MRPL37: variants seen among roughly 807,000 people sequenced by gnomAD.
The protein encoded by MRPL37 is large ribosomal subunit protein mL37.
A neutral mutation model predicts 44.1 loss-of-function variants in MRPL37; 34 were observed. That is an observed-to-expected ratio of 0.77 (90% CI 0.59 to 1.03). The LOEUF is 1.03. Among genes scored for constraint, MRPL37 ranks in the 50% least tolerant of loss-of-function variants. The pLI is 0.00. For missense variants in MRPL37, 532 were observed against 543.7 expected (o/e 0.98, Z 0.21); for synonymous variants, 212 against 219.5 (o/e 0.97, Z 0.30).
chr1:54,204,979 T>C (rs1644110124), intron 1 of MRPL37, 39 bp from the exon 2 acceptor site: 2 of 1,582,004 alleles, frequency 1.3e-6, no homozygotes, highest in African/African-American at 1.4e-5. Flanking sequence ...CTGAATCTTT[T>C]TCTTTCCTTC....
intron 1 of MRPL37, among the ~76,000 whole-genome samples, chr1:54,201,043 C>T (rs1343406195): frequency 6.6e-6 from 1 of 152,168 alleles, no homozygotes; most frequent in Non-Finnish European, 1.5e-5. Context: ...CCTCTTAAGC[C>T]CATGACTACT....
downstream of MRPL37, among the ~76,000 whole-genome samples, chr1:54,223,847 C>G (rs111332655): frequency 3.9e-5 from 6 of 152,230 alleles, no homozygotes; most frequent in African/African-American, 1.4e-4. Flanking sequence ...GAGCTCTGGC[C>G]TGGCCCCAGG....
chr1:54,203,556 C>T (rs1644099895), intron 1 of MRPL37, among the ~76,000 whole-genome samples: 1 of 149,732 alleles, frequency 6.7e-6, no homozygotes, highest in Middle Eastern at 3.2e-3. Context: ...TTACTGTAGC[C>T]TCTGCCTCCC....
downstream of MRPL37, chr1:54,225,457 A>G (rs1211323677): frequency 8.2e-7 from 1 of 1,214,560 alleles, no homozygotes; most frequent in African/African-American, 1.6e-5. Flanking sequence ...TCCCTTTAAT[A>G]AAACGTTATC....
chr1:54,222,358 G>C (rs1037738563), downstream of MRPL37, among the ~76,000 whole-genome samples: 8 of 152,170 alleles, frequency 5.3e-5, no homozygotes, highest in South Asian at 2.1e-4. Context: ...AAAGGCCCTG[G>C]GGGGGCAGAC....
In MRPL37 at chr1:54,216,360, T is replaced by G. The variant is rs771836289; in HGVS notation, c.1194+16T>G. 8 of 1,612,722 alleles carry G rather than the reference T, an allele frequency of 5.0e-6. No homozygotes were observed. Among genetic ancestry groups the G allele is most frequent in the Middle Eastern group, 3.7e-4 (2 of 5,448 alleles). ...AGTGGTTGTGGTAAGTTGAGCCATC[T>G]CCTGCCTGACCCAGGAGGGCCATGC... On this transcript the variant is annotated intron_variant, in intron 6 of 6. Coordinates refer to ENST00000360840, the MANE Select transcript of MRPL37 (RefSeq NM_016491.4).
intron 1 of MRPL37, among the ~76,000 whole-genome samples, chr1:54,203,007 C>G (rs748241485): frequency 6.6e-6 from 1 of 152,142 alleles, no homozygotes; most frequent in South Asian, 2.1e-4. Flanking sequence ...CATGTTCCTC[C>G]CTTAGAGAAG....
At chr1:54,203,494 G>A (rs1644099265) in intron 1 of MRPL37, among the ~76,000 whole-genome samples, 1 of 125,474 alleles carries the variant, frequency 8.0e-6, no homozygotes, top group Admixed American at 8.7e-5. Flanking sequence ...TTTTTTTTGA[G>A]GTGGAGTCTT....
chr1:54,211,665 G>C (rs896687814), intron 4 of MRPL37, among the ~76,000 whole-genome samples: 1 of 152,014 alleles, frequency 6.6e-6, no homozygotes, highest in African/African-American at 2.4e-5. Context: ...GCTAATTTTT[G>C]TATTCTTTTT....
At position 54,218,370 on chromosome 1, in the gene MRPL37, T is replaced by C; in HGVS notation, c.*121T>C. The C allele has an allele frequency of 6.4e-7, 1 of 1,558,716 alleles. No homozygotes were observed. Among genetic ancestry groups the C allele is most frequent in the Non-Finnish European group, 8.6e-7 (1 of 1,158,586 alleles). ...GCTCTCGCTGACAATAAAGAGCCCT[T>C]GCGTTGCACTGAAGCCTGTGTTTGG... On this transcript the variant is annotated 3_prime_UTR_variant, in exon 7 of 7. Transcript: ENST00000360840.
intron 3 of MRPL37, chr1:54,207,387 T>A (rs1439455607): frequency 6.6e-6 from 1 of 152,232 alleles, no homozygotes; most frequent in Non-Finnish European, 1.5e-5. Context: ...ACACAGGTGT[T>A]CTAACTGGTG....
downstream of MRPL37, among the ~76,000 whole-genome samples, chr1:54,224,864 TA>T (rs200583274): frequency 0.016 from 2,440 of 152,166 alleles, 49 homozygotes; most frequent in East Asian, 0.069. Context: ...ACCACCAGCA[TA>T]CACTTTCCAA....
chr1:54,209,799 G>A (rs1044157453), intron 3 of MRPL37, 147 bp from the exon 4 acceptor site: 10 of 770,572 alleles, frequency 1.3e-5, no homozygotes, highest in Admixed American at 8.9e-5. Flanking sequence ...GCTTTGTCAT[G>A]TTGCCCAGGC....
intron 5 of MRPL37, among the ~76,000 whole-genome samples, chr1:54,213,785 C>T (rs143396856): frequency 0.018 from 2,784 of 152,296 alleles, 95 homozygotes; most frequent in African/African-American, 0.064. Flanking sequence ...CGGTGGCTCA[C>T]GCCTGTAATC....
At chr1:54,225,318 A>G (rs924883553), downstream of MRPL37, 6 of 1,234,098 alleles carry the variant, frequency 4.9e-6, no homozygotes, top group African/African-American at 9.3e-5. Flanking sequence ...CGCCTCAAAC[A>G]CAAAACATCT....
intron 4 of MRPL37, among the ~76,000 whole-genome samples, chr1:54,210,873 A>T (rs1644159458): frequency 1.3e-5 from 2 of 151,898 alleles, no homozygotes; most frequent in Non-Finnish European, 2.9e-5. Context: ...CACCACTTTC[A>T]TCCCATCTGT....
downstream of MRPL37, among the ~76,000 whole-genome samples, chr1:54,219,228 C>T (rs1005077541): frequency 2.6e-5 from 4 of 152,224 alleles, no homozygotes; most frequent in African/African-American, 7.2e-5. Flanking sequence ...TTCCTGACAG[C>T]GGGTGGGACC....
At chr1:54,216,488 T>TC in intron 6 of MRPL37, 144 bp downstream of exon 6, 1 of 940,444 alleles carries the variant, frequency 1.1e-6, no homozygotes, top group Non-Finnish European at 1.6e-6. Flanking sequence ...CCTGGAGGAC[T>TC]CCTTCAGTCC....
chr1:54,208,548 CAAA>C (rs57185627), intron 3 of MRPL37, among the ~76,000 whole-genome samples: 4 of 70,954 alleles, frequency 5.6e-5, no homozygotes, highest in East Asian at 1.0e-3. Context: ...GACTCCGTCT[CAAA>C]AAAAAAAAAA....
Sources: allele counts gnomAD v4.1 joint callset (sites outside exome capture counted in the v4.1 genomes callset), GRCh38; gene constraint gnomAD v4.1.1; transcripts MANE v1.5; gene names NCBI Gene and HGNC (gene_info 2026-07-23, HGNC 2026-07-21).